Variants in RERE observed in about 807,000 individuals in gnomAD.
The protein encoded by RERE is arginine-glutamic acid dipeptide repeats protein.
A neutral mutation model predicts 146.1 loss-of-function variants in RERE; 40 were observed. The observed-to-expected ratio is 0.27, with a 90% CI of 0.21 to 0.36. RERE has a LOEUF of 0.36. RERE is among the 10% of genes least tolerant of loss of function. The probability of loss-of-function intolerance (pLI) is 1.00; values close to 1 mark genes in which losing one functional copy is unlikely to be tolerated. For missense variants in RERE, 1,933 were observed against 2,138.7 expected (o/e 0.90, Z 1.90); for synonymous variants, 1,003 against 866.0 (o/e 1.16, Z -2.78).
At chr1:8,365,251 G>A (rs1035514088) in intron 13 of RERE, among the ~76,000 whole-genome samples, 2 of 152,114 alleles carry the variant, frequency 1.3e-5, no homozygotes, top group Admixed American at 6.5e-5. Flanking sequence ...GCGCAACACC[G>A]GCGCCCCTCA....
At chr1:8,687,562 T>C (rs766259477) in intron 1 of RERE, among the ~76,000 whole-genome samples, 34 of 152,322 alleles carry the variant, frequency 2.2e-4, no homozygotes, top group Admixed American at 1.5e-3. Flanking sequence ...CTTTCTACTA[T>C]AAATAAAAAA....
At chr1:8,791,215 G>C (rs1569805943) in intron 1 of RERE, among the ~76,000 whole-genome samples, 1 of 152,164 alleles carries the variant, frequency 6.6e-6, no homozygotes, top group South Asian at 2.1e-4. Flanking sequence ...GGTCTGCCAA[G>C]ATAAACACCA....
chr1:8,690,889 A>G (rs1005436096), intron 1 of RERE, among the ~76,000 whole-genome samples: 2 of 151,712 alleles, frequency 1.3e-5, no homozygotes, highest in African/African-American at 2.4e-5. Flanking sequence ...TTTATTTTTT[A>G]TTTTTATTTA....
At chr1:8,567,409 C>G (rs1646165918) in intron 4 of RERE, among the ~76,000 whole-genome samples, 1 of 152,136 alleles carries the variant, frequency 6.6e-6, no homozygotes, top group African/African-American at 2.4e-5. Flanking sequence ...TACAAACACT[C>G]AGAAAGATGA....
chr1:8,526,446 A>G (rs1263353427), intron 7 of RERE, among the ~76,000 whole-genome samples: 3 of 152,186 alleles, frequency 2.0e-5, no homozygotes, highest in Non-Finnish European at 4.4e-5. Flanking sequence ...ACTTAAGAGA[A>G]GCAACTTCAC....
chr1:8,385,993 A>AAAAATATATATAT (rs1553159741), intron 12 of RERE, among the ~76,000 whole-genome samples: 1 of 26,482 alleles, frequency 3.8e-5, no homozygotes, highest in Non-Finnish European at 7.1e-5. Context: ...AAAAAAAAAA[A>AAAAATATATATAT]ATATATATAT....
intron 1 of RERE, among the ~76,000 whole-genome samples, chr1:8,757,426 A>G (rs1005952730): frequency 1.3e-5 from 2 of 152,192 alleles, no homozygotes; most frequent in African/African-American, 4.8e-5. Context: ...CCAAAATCAA[A>G]TTCTCTACTG....
Position 8,360,365 on chromosome 1 carries a change from T to C in RERE, c.3142A>G (p.Thr1048Ala). The change falls in exon 18 of 23, where the codon ACC (threonine) becomes GCC (alanine). Residue 1048 changes from threonine (T) to alanine (A), a missense_variant. By Grantham distance (58) the Thr-to-Ala change is moderately conservative. This residue lies in a region of RERE where 1,255 missense variants were observed against 1,153.8 expected (regional missense o/e 1.09). Transcript: ENST00000400908. ...GAGGTGGAGGGGCAGGTCGGAGGGG[T>C]GATGGGAGGAGGGCCTCCAGGGACA... The part of the protein sequence containing the change: ...PFVPGGPPPI[T>A]PPTCPSTSTP... The C allele has an allele frequency of 7.4e-7, 1 of 1,354,496 alleles. No homozygotes were observed. Among genetic ancestry groups the C allele is most frequent in the Non-Finnish European group, 9.5e-7 (1 of 1,047,572 alleles). 83.9% of individuals were successfully genotyped at this position (1,354,496 alleles called of 1,614,324 possible). A position where few individuals can be genotyped will look rare whatever the true frequency, so the allele number is the denominator to read the frequency against.
chr1:8,622,177 C>T (rs1646923612), intron 3 of RERE, among the ~76,000 whole-genome samples: 1 of 152,132 alleles, frequency 6.6e-6, no homozygotes, highest in African/African-American at 2.4e-5. Flanking sequence ...TCAGCAGGAA[C>T]CTCTGCCCAG....
At chr1:8,497,913 AAAG>A (rs1406287751) in intron 8 of RERE, among the ~76,000 whole-genome samples, 1 of 152,266 alleles carries the variant, frequency 6.6e-6, no homozygotes, top group Non-Finnish European at 1.5e-5. Flanking sequence ...ACAAGTTGAC[AAAG>A]AAGACATATG....
intron 4 of RERE, among the ~76,000 whole-genome samples, chr1:8,583,176 G>A (rs1646388465): frequency 6.6e-6 from 1 of 152,158 alleles, no homozygotes; most frequent in Admixed American, 6.5e-5. Flanking sequence ...CATACTAGAA[G>A]TACTAGAAGG....
chr1:8,706,173 G>C (rs1230179978), intron 1 of RERE, among the ~76,000 whole-genome samples: 1 of 146,822 alleles, frequency 6.8e-6, no homozygotes, highest in Non-Finnish European at 1.5e-5. Flanking sequence ...AGCCTAGTAA[G>C]CCAAGAGTGG....
intron 1 of RERE, among the ~76,000 whole-genome samples, chr1:8,663,150 T>G (rs763231717): frequency 6.6e-6 from 1 of 152,082 alleles, no homozygotes; most frequent in Non-Finnish European, 1.5e-5. Context: ...TCATGGAGAA[T>G]TAACTACAAA....
chr1:8,615,350 C>T (rs1646840459), intron 3 of RERE, among the ~76,000 whole-genome samples: 1 of 152,136 alleles, frequency 6.6e-6, no homozygotes, highest in South Asian at 2.1e-4. Context: ...AAAGACATTA[C>T]TTATTTTTAT....
rs564574812 is a variant in RERE, at chr1:8,605,745, CAAAAAAAAAAAA to C, written c.522+8804_522+8815del. ...GGGCAACAGAGCAAGACCCCATCTC[CAAAAAAAAAAAA>C]AAAAAAAAAAAAAACCCCTAAAAAA... On this transcript the variant is annotated intron_variant, in intron 4 of 22. Coordinates refer to ENST00000400908, the MANE Select transcript of RERE (RefSeq NM_001042681.2). Among the ~76,000 whole-genome samples, 9 of 64,536 alleles carry C rather than the reference CAAAAAAAAAAAA, an allele frequency of 1.4e-4. 1 individual carries two copies. The East Asian group carries it at 2.9e-3, about 21-fold the overall frequency. The allele number at this position is 64,536 out of a possible 152,430, so 42.3% of individuals were successfully genotyped here.
In RERE at chr1:8,497,440, G is replaced by A. The variant is rs145265480; in HGVS notation, c.969C>T (p.Asn323=). 132 of 1,614,132 alleles carry A rather than the reference G, an allele frequency of 8.2e-5. No individual in the cohort carries two copies. Among genetic ancestry groups the A allele is most frequent in the Middle Eastern group, 3.3e-4 (2 of 6,062 alleles). The change falls in exon 9 of 23, where the codon AAC becomes AAT. Residue 323 remains asparagine (N), a synonymous_variant. Transcript: ENST00000400908. ...HEELVWMPGV[N]DCDLLMYLRA... ...TCAAGTACATAAGGAGGTCACAGTC[G>A]TTAACTCCAGGCATCCAGACCAGTT... is the stretch of plus-strand genomic sequence containing the variant.
chr1:8,718,381 A>G (rs1385527169), intron 1 of RERE, among the ~76,000 whole-genome samples: 2 of 152,248 alleles, frequency 1.3e-5, no homozygotes, highest in African/African-American at 2.4e-5. Context: ...CCGTTTCTAC[A>G]CCAAAGAGCG....
At position 8,403,825 on chromosome 1, in the gene RERE, C is replaced by CTTTTTTTTTTTTTTTTTTTTTTT. The variant is rs869295197; in HGVS notation, c.1284+18879_1284+18901dup. 3.0e-4 allele frequency among the ~76,000 whole-genome samples: 21 copies of CTTTTTTTTTTTTTTTTTTTTTTT among 70,864 alleles called. 6 individuals are homozygous for CTTTTTTTTTTTTTTTTTTTTTTT. Among genetic ancestry groups the CTTTTTTTTTTTTTTTTTTTTTTT allele is most frequent in the African/African-American group, 1.2e-3 (20 of 17,000 alleles). 46.5% of individuals were successfully genotyped at this position (70,864 alleles called of 152,430 possible). On this transcript the variant is annotated intron_variant, in intron 12 of 22. Transcript: ENST00000400908. ...TCTATTTTTCTTAATAAAATCTTAG[C>CTTTTTTTTTTTTTTTTTTTTTTT]TTTTTTTTTTTTTTTTTTTTTTTGA...
chr1:8,523,075 G>C (rs1189033629), intron 7 of RERE, among the ~76,000 whole-genome samples: 1 of 151,972 alleles, frequency 6.6e-6, no homozygotes, highest in Non-Finnish European at 1.5e-5. Context: ...CTATGTGGGA[G>C]GCTGAGGCAG....
Sources: allele counts gnomAD v4.1 joint callset (sites outside exome capture counted in the v4.1 genomes callset), GRCh38; gene constraint gnomAD v4.1.1; regional missense constraint gnomAD v4.1.1; transcripts MANE v1.5; gene names NCBI Gene and HGNC (gene_info 2026-07-23, HGNC 2026-07-21).